The following MED13 variants were observed in gnomAD, a reference collection of about 807,000 sequenced individuals.
The protein encoded by MED13 is mediator of RNA polymerase II transcription subunit 13.
In MED13, 23 loss-of-function variants were observed where a neutral mutation model predicts 225.2. The observed-to-expected ratio is 0.10, with a 90% CI of 0.07 to 0.14. The LOEUF is 0.14. Among genes scored for constraint, MED13 ranks in the 10% least tolerant of loss-of-function variants. MED13 has a pLI of 1.00. For synonymous variants in MED13, 942 were observed against 889.2 expected (o/e 1.06, Z -1.06); for missense variants, 2,197 against 2,594.5 (o/e 0.85, Z 3.33).
chr17:62,041,294 A>G (rs1376577082), intron 3 of MED13, among the ~76,000 whole-genome samples: 1 of 152,244 alleles, frequency 6.6e-6, no homozygotes, highest in Non-Finnish European at 1.5e-5. Flanking sequence ...GACAAATACT[A>G]CATGATTCCA....
chr17:61,994,733 G>C (rs892994942), intron 10 of MED13, among the ~76,000 whole-genome samples: 1 of 151,960 alleles, frequency 6.6e-6, no homozygotes, highest in African/African-American at 2.4e-5. Flanking sequence ...TTTTTGAGAC[G>C]GAGTCTCGCT....
At chr17:62,064,417 A>G (rs1486181944) in intron 1 of MED13, among the ~76,000 whole-genome samples, 1 of 152,200 alleles carries the variant, frequency 6.6e-6, no homozygotes, top group East Asian at 1.9e-4. Context: ...AAACATTCTG[A>G]AAAAGCAACC....
At chr17:62,013,962 C>A (rs770372948) in intron 8 of MED13, among the ~76,000 whole-genome samples, 1 of 152,020 alleles carries the variant, frequency 6.6e-6, no homozygotes. Context: ...TCGCTTCAAC[C>A]CAGGAGGTGG....
rs547703310 is a variant in MED13, at chr17:62,056,386, G to A, written c.302-3681C>T. Reference sequence around the variant, plus strand: ...ATTATAATAGGGAGGGGAAGGAGAAGGGAACATATGGCAAATCTTTACCTA... The same window carrying A: ...ATTATAATAGGGAGGGGAAGGAGAAAGGAACATATGGCAAATCTTTACCTA... On this transcript the variant is annotated intron_variant, in intron 2 of 29. Coordinates refer to ENST00000397786, the MANE Select transcript of MED13 (RefSeq NM_005121.3). 1.6e-3 allele frequency among the ~76,000 whole-genome samples: 240 copies of A among 152,268 alleles called. 2 individuals are homozygous for A. The highest frequency in any genetic ancestry group is 2.9e-3 in the Non-Finnish European group (195 of 68,012).
At chr17:61,958,011 C>A (rs1490322919) in intron 23 of MED13, among the ~76,000 whole-genome samples, 2 of 149,966 alleles carry the variant, frequency 1.3e-5, no homozygotes, top group African/African-American at 4.9e-5. Flanking sequence ...ACTACAGGCG[C>A]CCGCCACTAC....
chr17:61,989,608 G>A (rs893165346), intron 11 of MED13, among the ~76,000 whole-genome samples: 8 of 152,220 alleles, frequency 5.3e-5, no homozygotes, highest in African/African-American at 1.9e-4. Flanking sequence ...AAAGTGCTCG[G>A]ATTACAGGCA....
At chr17:62,024,994 C>T (rs548065596) in intron 8 of MED13, among the ~76,000 whole-genome samples, 1 of 152,120 alleles carries the variant, frequency 6.6e-6, no homozygotes, top group Non-Finnish European at 1.5e-5. Flanking sequence ...TATGAACATT[C>T]CCGTGCATGT....
At chr17:61,963,407 C>G (rs1192652598) in intron 20 of MED13, among the ~76,000 whole-genome samples, 1 of 151,880 alleles carries the variant, frequency 6.6e-6, no homozygotes, top group Non-Finnish European at 1.5e-5. Context: ...AGAAAGAAAC[C>G]ACGTTTCCAG....
chr17:62,039,395 T>C (rs2080833485), intron 3 of MED13, among the ~76,000 whole-genome samples: 1 of 151,860 alleles, frequency 6.6e-6, no homozygotes. Context: ...CGATTCTTCT[T>C]CCTCTGCCTC....
Position 62,010,760 on chromosome 17 carries a change from A to T in MED13, c.1757T>A (p.Phe586Tyr). Reference protein sequence around the residue: ...EDRIDSLSQSFPPQYQEAVEP... With the variant: ...EDRIDSLSQSYPPQYQEAVEP... ...TACAGCTTCCTGATATTGAGGTGGG[A>T]AAGACTGGGACAAACTGTCTATCCT... is the stretch of plus-strand genomic sequence containing the variant. The change falls in exon 9 of 30, where the codon TTC (phenylalanine) becomes TAC (tyrosine). Residue 586 changes from phenylalanine to tyrosine, a missense_variant. Physicochemically the swap from Phe to Tyr is conservative, Grantham distance 22. Around this residue, in one of 12 missense-constraint regions of MED13, gnomAD observed 884 missense variants for 918.5 expected, o/e 0.96. Transcript: ENST00000397786. The T allele has an allele frequency of 1.9e-6, 3 of 1,614,092 alleles. No homozygotes were observed. Among genetic ancestry groups the T allele is most frequent in the South Asian group, 2.2e-5 (2 of 91,058 alleles).
At chr17:62,030,865 A>T (rs1181585993) in intron 6 of MED13, 1 of 152,232 alleles carries the variant, frequency 6.6e-6, no homozygotes, top group Non-Finnish European at 1.5e-5. Flanking sequence ...GCACCTTGGT[A>T]ACTAAACCCC....
intron 2 of MED13, among the ~76,000 whole-genome samples, chr17:62,059,574 C>T (rs2081021794): frequency 6.6e-6 from 1 of 152,188 alleles, no homozygotes; most frequent in Non-Finnish European, 1.5e-5. Flanking sequence ...GAACTCAGGA[C>T]TGCCTCCAGC....
intron 8 of MED13, among the ~76,000 whole-genome samples, chr17:62,026,571 T>C (rs1229108816): frequency 6.8e-6 from 1 of 147,860 alleles, no homozygotes; most frequent in Non-Finnish European, 1.5e-5. Context: ...TTCAAAATAG[T>C]ATGGGGAGTC....
chr17:61,979,313 C>T (rs2080183558), intron 16 of MED13, among the ~76,000 whole-genome samples: 1 of 151,944 alleles, frequency 6.6e-6, no homozygotes, highest in South Asian at 2.1e-4. Flanking sequence ...GCAAACATGG[C>T]CATTTTTTTC....
intron 18 of MED13, among the ~76,000 whole-genome samples, chr17:61,967,268 T>C (rs1184502757): frequency 6.6e-6 from 1 of 152,146 alleles, no homozygotes; most frequent in Non-Finnish European, 1.5e-5. Context: ...TAATATACAA[T>C]GTTTCCCCAA....
At chr17:61,959,397 G>A (rs2079977861) in intron 23 of MED13, among the ~76,000 whole-genome samples, 1 of 151,980 alleles carries the variant, frequency 6.6e-6, no homozygotes, top group Admixed American at 6.6e-5. Context: ...AATGAAAAGG[G>A]TGGTATTTTT....
intron 12 of MED13, 92 bp downstream of exon 12, chr17:61,986,915 A>T: frequency 1.3e-6 from 1 of 761,552 alleles, no homozygotes. Context: ...GCTAAAACAT[A>T]GTATTAAACT....
chr17:61,995,249 ATTT>A lies in MED13; in HGVS notation c.2081_2083del (p.Lys694del). 1 of 1,613,758 alleles carries A rather than the reference ATTT, an allele frequency of 6.2e-7. No individual in the cohort carries two copies. Among genetic ancestry groups the A allele is most frequent in the South Asian group, 1.1e-5 (1 of 91,070 alleles). ...TCCTTCAACAAATGCATATGGATCA[ATTT>A]TAGGTTCTTGTTCTGCATCAGATGC... is the stretch of plus-strand genomic sequence containing the variant. On this transcript the variant is annotated inframe_deletion, in exon 10 of 30. Coordinates refer to ENST00000397786, the MANE Select transcript of MED13 (RefSeq NM_005121.3).
At chr17:61,977,744 G>C (rs185049680) in intron 16 of MED13, among the ~76,000 whole-genome samples, 1 of 151,742 alleles carries the variant, frequency 6.6e-6, no homozygotes, top group South Asian at 2.1e-4. Flanking sequence ...CACCGTGCCC[G>C]GCCCATTATT....
Sources: allele counts gnomAD v4.1 joint callset (sites outside exome capture counted in the v4.1 genomes callset), GRCh38; gene constraint gnomAD v4.1.1; regional missense constraint gnomAD v4.1.1; transcripts MANE v1.5; gene names NCBI Gene and HGNC (gene_info 2026-07-23, HGNC 2026-07-21).